Variants in MTA1 observed in about 807,000 individuals in gnomAD.
MTA1 encodes metastasis-associated protein MTA1.
A neutral mutation model predicts 97.0 loss-of-function variants in MTA1; 15 were observed. That is an observed-to-expected ratio of 0.15 (90% CI 0.10 to 0.24). The LOEUF (loss-of-function observed/expected upper bound fraction) is 0.24, where lower values mean the gene tolerates loss of function less well. Among genes scored for constraint, MTA1 ranks in the 10% least tolerant of loss-of-function variants. MTA1 has a pLI of 1.00. For missense variants in MTA1, 709 were observed against 1,015.1 expected (o/e 0.70, Z 4.10); for synonymous variants, 435 against 417.5 (o/e 1.04, Z -0.51).
intron 3 of MTA1, among the ~76,000 whole-genome samples, chr14:105,448,709 C>T (rs1326508029): frequency 3.3e-5 from 1 of 30,278 alleles, no homozygotes; most frequent in African/African-American, 3.6e-5. Context: ...AGGGCCGGCC[C>T]AGAACAGGCC....
At position 105,463,177 on chromosome 14, in the gene MTA1, C is replaced by A; in HGVS notation, c.943-7C>A. The stretch of plus-strand genomic sequence containing the variant: ...CCTGCTTGTGTGACACGCCTCCTCC[C>A]ACCCAGCTCCCGTGGAAGTCGCTGA... On this transcript the variant is annotated splice_region_variant and splice_polypyrimidine_tract_variant and intron_variant, in intron 10 of 20. Coordinates refer to ENST00000331320, the MANE Select transcript of MTA1 (RefSeq NM_004689.4). This position sits in a 1 kb window ranked among gnomAD's most constrained non-coding sequence, Gnocchi z 5.9. The A allele has an allele frequency of 6.2e-7, 1 of 1,611,360 alleles. No individual in the cohort carries two copies. Among genetic ancestry groups the A allele is most frequent in the Non-Finnish European group, 8.5e-7 (1 of 1,179,752 alleles).
At chr14:105,428,851 A>C (rs1324048682) in intron 1 of MTA1, among the ~76,000 whole-genome samples, 2 of 151,480 alleles carry the variant, frequency 1.3e-5, no homozygotes, top group Non-Finnish European at 2.9e-5. Flanking sequence ...CAGCCTCCCG[A>C]GTAGCTAGGA....
intron 15 of MTA1, 74 bp downstream of exon 15, chr14:105,464,937 C>G: frequency 6.8e-7 from 1 of 1,475,044 alleles, no homozygotes. Context: ...TGGGGCCCAG[C>G]CTGTAGCCCC....
rs1486723996 is a variant in MTA1 at position 105,426,656 on chromosome 14, GC to G, written c.28+6595del. 1.6e-4 allele frequency among the ~76,000 whole-genome samples: 24 copies of G among 152,356 alleles called. 1 individual carries two copies. Among genetic ancestry groups the G allele is most frequent in the African/African-American group, 5.5e-4 (23 of 41,582 alleles). ...GAACGTCTGTCTGCATCCCCTGGGG[GC>G]CGCTGTCCCCATCCCTTGACTGCCG... On this transcript the variant is annotated intron_variant, in intron 1 of 20. Transcript: ENST00000331320.
intron 18 of MTA1, chr14:105,469,093 C>T: frequency 2.1e-6 from 1 of 485,784 alleles, no homozygotes; most frequent in Non-Finnish European, 4.1e-6. Context: ...CGTGGCTGCC[C>T]TGCAGAGGGG....
rs1555434099 is a variant in MTA1 at position 105,470,085 on chromosome 14, C to T, written c.2018C>T (p.Ser673Leu). The T allele has an allele frequency of 1.2e-6, 2 of 1,612,536 alleles. No individual in the cohort carries two copies. Among genetic ancestry groups the T allele is most frequent in the African/African-American group, 2.7e-5 (2 of 74,938 alleles). Residue 673 changes from serine (S) to leucine (L), a missense_variant, in exon 21 of 21, where the codon TCA becomes TTA. By Grantham distance (145) the Ser-to-Leu change is moderately radical (BLOSUM62 -2). Coordinates refer to ENST00000331320, the MANE Select transcript of MTA1 (RefSeq NM_004689.4). Reference sequence around the variant, plus strand: ...CACAGGAAGATCCGCAAGCTGCTCTCATCCTCGGAAACCAAGCGTGCTGCC... The same window carrying T: ...CACAGGAAGATCCGCAAGCTGCTCTTATCCTCGGAAACCAAGCGTGCTGCC... ...EETRKIRKLL[S>L]SSETKRAARR... is the part of the protein sequence containing the mutation.
chr14:105,468,303 G>A, intron 18 of MTA1: 1 of 1,304,232 alleles, frequency 7.7e-7, no homozygotes, highest in Non-Finnish European at 1.0e-6. Context: ...CCTAAAGCAT[G>A]TGTTTCTTCC....
intron 16 of MTA1, chr14:105,465,509 C>T (rs2083539598): frequency 4.7e-6 from 1 of 211,484 alleles, no homozygotes; most frequent in African/African-American, 2.3e-5. Flanking sequence ...TTCTGATCGT[C>T]CCTGGGGCCT....
In MTA1 at chr14:105,446,525, C is replaced by T. The variant is rs115155034; in HGVS notation, c.190+1014C>T. On this transcript the variant is annotated intron_variant, in intron 3 of 20. Transcript: ENST00000331320. Reference sequence around the variant, plus strand: ...CCTCGCATCTTCTGCCCCGTCCCAGCGCTGTGGGTGAGGGGCAGGAAGTCA... The same window carrying T: ...CCTCGCATCTTCTGCCCCGTCCCAGTGCTGTGGGTGAGGGGCAGGAAGTCA... 6.9e-3 allele frequency among the ~76,000 whole-genome samples: 1,054 copies of T among 152,272 alleles called. 9 individuals carry two copies. The highest frequency in any genetic ancestry group is 0.024 in the African/African-American group (979 of 41,572).
chr14:105,435,213 GGAGATGGTC>G (rs1227992326), intron 1 of MTA1, among the ~76,000 whole-genome samples: 2 of 152,164 alleles, frequency 1.3e-5, no homozygotes, highest in Admixed American at 6.5e-5. Flanking sequence ...TTGCATCTAC[GGAGATGGTC>G]ATAGGGCTTT....
intron 18 of MTA1, chr14:105,469,216 G>A (rs1335745101): frequency 2.3e-5 from 14 of 609,656 alleles, no homozygotes; most frequent in Middle Eastern, 2.7e-4. Flanking sequence ...CGGGTCCAAG[G>A]CTCCTGGCCT....
chr14:105,463,417 A>G lies in MTA1; in HGVS notation c.1018-76A>G. ...CTCTCCGTGGTGCTCTCCTCTCCGT[A>G]GCCTCCAGCCTGTCTGCACTGCAGC... On this transcript the variant is annotated intron_variant, in intron 11 of 20. Coordinates refer to ENST00000331320, the MANE Select transcript of MTA1 (RefSeq NM_004689.4). The surrounding 1 kb of genome is among the most constrained non-coding windows in gnomAD (Gnocchi z 5.9). The G allele has an allele frequency of 2.6e-6, 4 of 1,549,104 alleles. No individual in the cohort carries two copies. The highest frequency in any genetic ancestry group is 3.6e-6 in the Non-Finnish European group (4 of 1,123,110).
chr14:105,462,915 C>T (rs2083414933), intron 10 of MTA1, among the ~76,000 whole-genome samples: 1 of 152,204 alleles, frequency 6.6e-6, no homozygotes, highest in Non-Finnish European at 1.5e-5. Flanking sequence ...GTTGTCAGTG[C>T]CACCTCGGCA....
chr14:105,449,343 T>C lies in MTA1; in HGVS notation c.191-16T>C, dbSNP rs1555427978. The stretch of plus-strand genomic sequence containing the variant: ...GTGCTGACCGTGCTGCCGGGTGCTG[T>C]CTGTCTGTTATATAGCCCTGTCAGT... On this transcript the variant is annotated splice_polypyrimidine_tract_variant and intron_variant, in intron 3 of 20. Transcript: ENST00000331320. The C allele has an allele frequency of 6.2e-7, 1 of 1,611,042 alleles. No homozygotes were observed. The highest frequency in any genetic ancestry group is 8.5e-7 in the Non-Finnish European group (1 of 1,178,824).
chr14:105,460,478 A>C (rs1555430759), intron 9 of MTA1, 21 bp downstream of exon 9: 1 of 1,589,978 alleles, frequency 6.3e-7, no homozygotes, highest in South Asian at 1.1e-5. Context: ...CCAGGGCGGG[A>C]CAGGTGAGAC....
intron 1 of MTA1, among the ~76,000 whole-genome samples, chr14:105,429,884 G>C (rs1555423047): frequency 2.7e-5 from 4 of 145,826 alleles, no homozygotes. Flanking sequence ...AGCCTCCCGA[G>C]TAGCTGGGAT....
At position 105,420,191 on chromosome 14, in the gene MTA1, T is replaced by C. The variant is rs1227112929; in HGVS notation, c.28+128T>C. 2 of 421,178 alleles carry C rather than the reference T, an allele frequency of 4.7e-6. No homozygotes were observed. Among genetic ancestry groups the C allele is most frequent in the South Asian group, 9.4e-5 (1 of 10,656 alleles). The allele number at this position is 421,178 out of a possible 1,614,324, so 26.1% of individuals were successfully genotyped here. On this transcript the variant is annotated intron_variant, in intron 1 of 20. Transcript: ENST00000331320. The surrounding 1 kb of genome is among the most constrained non-coding windows in gnomAD (Gnocchi z 5.3). ...CCCGCCCGCCCTCGCGGCCCCCGGC[T>C]CCTTCCCGAACCGCCCCCCGCCGTG...
At position 105,465,129 on chromosome 14, in the gene MTA1, C is replaced by A. The variant is rs587727858; in HGVS notation, c.1570C>A (p.Leu524Met). The change falls in exon 16 of 21, where the codon CTG (leucine) becomes ATG (methionine). Residue 524 changes from leucine to methionine, a missense_variant. By Grantham distance (15) the Leu-to-Met change is conservative. Transcript: ENST00000331320. ...ARLPEASQSP[L>M]VLKQAVRKPL... ...GCTGCCCGAAGCCTCCCAGAGCCCG[C>A]TGGTGCTGAAGCAGGCGGTACGCAA... 3 of 1,524,982 alleles carry A rather than the reference C, an allele frequency of 2.0e-6. No homozygotes were observed. The highest frequency in any genetic ancestry group is 2.4e-5 in the South Asian group (2 of 83,374). The allele number at this position is 1,524,982 out of a possible 1,614,324, so 94.5% of individuals were successfully genotyped here.
Position 105,463,468 on chromosome 14 carries a change from C to T in MTA1, c.1018-25C>T, listed in dbSNP as rs1567041873. ...CCCAACCTGGGCCTAGCCTGCTGAC[C>T]TCTGACCTTCTCTTTTGTTTTAAGA... On this transcript the variant is annotated intron_variant, in intron 11 of 20. Coordinates refer to ENST00000331320, the MANE Select transcript of MTA1 (RefSeq NM_004689.4). The surrounding 1 kb of genome is among the most constrained non-coding windows in gnomAD (Gnocchi z 5.9). 3 of 1,612,942 alleles carry T rather than the reference C, an allele frequency of 1.9e-6. No homozygotes were observed. Among genetic ancestry groups the T allele is most frequent in the East Asian group, 4.5e-5 (2 of 44,862 alleles).
Sources: allele counts gnomAD v4.1 joint callset (sites outside exome capture counted in the v4.1 genomes callset), GRCh38; gene constraint gnomAD v4.1.1; non-coding constraint Gnocchi (gnomAD v3.1); transcripts MANE v1.5; gene names NCBI Gene and HGNC (gene_info 2026-07-23, HGNC 2026-07-21).